CDK19: variants seen among roughly 807,000 people sequenced by gnomAD.
CDK19 encodes cyclin-dependent kinase 19.
In CDK19, 20 loss-of-function variants were observed where a neutral mutation model predicts 68.3. The observed-to-expected ratio is 0.29, with a 90% CI of 0.21 to 0.43. CDK19 has a LOEUF of 0.43. Ranked by LOEUF, CDK19 falls within the 20% of genes least tolerant of loss-of-function variation. The pLI is 1.00. For synonymous variants in CDK19, 221 were observed against 222.8 expected, an observed-to-expected ratio of 0.99 and a Z score of 0.07; for missense variants, 339 against 623.5, an observed-to-expected ratio of 0.54 and a Z score of 4.86.
intron 1 of CDK19, among the ~76,000 whole-genome samples, chr6:110,796,963 T>C (rs1176524789): frequency 1.3e-5 from 2 of 150,528 alleles, no homozygotes; most frequent in South Asian, 2.1e-4. Flanking sequence ...TGAGCCAAGA[T>C]TGTGCCACTG....
intron 1 of CDK19, chr6:110,813,763 C>T (rs1783317720): frequency 6.6e-6 from 1 of 152,184 alleles, no homozygotes; most frequent in South Asian, 2.1e-4. Flanking sequence ...GTACTTTAGT[C>T]CTAGAGTTCA....
intron 2 of CDK19, among the ~76,000 whole-genome samples, chr6:110,733,404 T>G (rs779287271): frequency 6.6e-6 from 1 of 152,192 alleles, no homozygotes; most frequent in Non-Finnish European, 1.5e-5. Context: ...AAAGCTGTTA[T>G]GAACATCCTT....
intron 4 of CDK19, among the ~76,000 whole-genome samples, chr6:110,666,615 A>T (rs1180401378): frequency 6.6e-6 from 1 of 152,010 alleles, no homozygotes; most frequent in Non-Finnish European, 1.5e-5. Context: ...TTTCGTCAAT[A>T]AACACTGCTC....
At position 110,610,057 on chromosome 6, in the gene CDK19, A is replaced by C. The variant is rs181495289; in HGVS notation, c.*4478T>G. On this transcript the variant is annotated 3_prime_UTR_variant, in exon 13 of 13. Transcript: ENST00000368911. Reference sequence around the variant, plus strand: ...TTATTTTAGTTTTAACAGTCATTTCAAGAAGGAAGTCAGGTCAACTCAAAA... The same window carrying C: ...TTATTTTAGTTTTAACAGTCATTTCCAGAAGGAAGTCAGGTCAACTCAAAA... 5 of 152,376 alleles carry C rather than the reference A, an allele frequency of 3.3e-5. No individual in the cohort carries two copies. Among genetic ancestry groups the C allele is most frequent in the Admixed American group, 2.6e-4 (4 of 15,296 alleles). 9.4% of individuals were successfully genotyped at this position (152,376 alleles called of 1,614,324 possible).
chr6:110,795,295 C>A (rs571234272), intron 1 of CDK19, among the ~76,000 whole-genome samples: 48 of 152,184 alleles, frequency 3.2e-4, no homozygotes, highest in African/African-American at 1.1e-3. Context: ...TTTAGTAAGT[C>A]AAAAATAATT....
At position 110,612,400 on chromosome 6, in the gene CDK19, T is replaced by G. The variant is rs1449468208; in HGVS notation, c.*2135A>C. The G allele has an allele frequency of 6.6e-6, 1 of 152,654 alleles. No homozygotes were observed. The highest frequency in any genetic ancestry group is 1.5e-5 in the Non-Finnish European group (1 of 68,036). 9.5% of individuals were successfully genotyped at this position (152,654 alleles called of 1,614,324 possible). The stretch of plus-strand genomic sequence containing the variant: ...CCATAATATTATTTACAGAACAGAT[T>G]TGGGGATAGTAACTACCCAAGTGGG... On this transcript the variant is annotated 3_prime_UTR_variant, in exon 13 of 13. Coordinates refer to ENST00000368911, the MANE Select transcript of CDK19 (RefSeq NM_015076.5).
At chr6:110,704,805 T>C (rs1304552077) in intron 2 of CDK19, among the ~76,000 whole-genome samples, 1 of 152,042 alleles carries the variant, frequency 6.6e-6, no homozygotes, top group African/African-American at 2.4e-5. Context: ...AGGCCAAGGC[T>C]AATTCTGGAA....
At chr6:110,706,079 G>A (rs909817562) in intron 2 of CDK19, among the ~76,000 whole-genome samples, 57 of 152,100 alleles carry the variant, frequency 3.7e-4, no homozygotes, top group African/African-American at 1.4e-3. Flanking sequence ...TTTTGAGACG[G>A]AGTCTTGCTG....
chr6:110,699,668 A>G (rs548497008), intron 2 of CDK19, among the ~76,000 whole-genome samples: 8 of 152,160 alleles, frequency 5.3e-5, no homozygotes, highest in Admixed American at 3.3e-4. Flanking sequence ...AAAATTCACC[A>G]CTATATAATT....
Position 110,757,607 on chromosome 6 carries a change from T to C in CDK19, c.129-11406A>G, listed in dbSNP as rs183505099. Among the ~76,000 whole-genome samples the C allele has an allele frequency of 5.1e-3, 777 of 152,326 alleles. 14 individuals are homozygous for C. The highest frequency in any genetic ancestry group is 0.017 in the African/African-American group (688 of 41,566). ...AACTGTCAAATATAGGATAATGGTA[T>C]GGTAATGCAAGCAAATGTTCTTATT... On this transcript the variant is annotated intron_variant, in intron 1 of 12. Transcript: ENST00000368911.
rs1373271422 is a variant in CDK19, at chr6:110,623,333, A to T, written c.890T>A (p.Met297Lys). ...TYANSSLIKYMEKHKVKPDSK... is the reference protein window; with the variant it reads ...TYANSSLIKYKEKHKVKPDSK... ...GTCAGGCTTGACCTTGTGTTTCTCCATGTACTTTATGAGGCTACTGTTGGC... is the reference window on the plus strand; with the variant it reads ...GTCAGGCTTGACCTTGTGTTTCTCCTTGTACTTTATGAGGCTACTGTTGGC... Residue 297 changes from methionine to lysine, a missense_variant, in exon 9 of 13, where the codon ATG becomes AAG. Transcript: ENST00000368911. The T allele has an allele frequency of 6.2e-7, 1 of 1,613,910 alleles. No homozygotes were observed. The highest frequency in any genetic ancestry group is 8.5e-7 in the Non-Finnish European group (1 of 1,179,914).
chr6:110,667,503 T>A lies in CDK19; in HGVS notation c.387A>T (p.Lys129Asn). ...CATCAAGAATCTGGTAAAGTAAGGA[T>A]TTAACCATAGATCTTGGCAACTGCA... The part of the protein sequence containing the change: ...KPMQLPRSMV[K>N]SLLYQILDGI... Residue 129 changes from lysine to asparagine, a missense_variant, in exon 4 of 13, where the codon AAA becomes AAT. By Grantham distance (94) the Lys-to-Asn change is moderately conservative. This residue lies in a region of CDK19 where 120 missense variants were observed against 224.0 expected (regional missense o/e 0.54). Transcript: ENST00000368911. The A allele has an allele frequency of 1.3e-6, 2 of 1,595,572 alleles. No individual in the cohort carries two copies. The highest frequency in any genetic ancestry group is 1.7e-6 in the Non-Finnish European group (2 of 1,167,480).
intron 4 of CDK19, among the ~76,000 whole-genome samples, chr6:110,652,007 G>C (rs145150650): frequency 1.2e-3 from 182 of 152,134 alleles, no homozygotes; most frequent in Admixed American, 2.2e-3. Flanking sequence ...CCAGGACATG[G>C]AGGTTGCAGT....
chr6:110,632,448 T>C (rs966487516), intron 5 of CDK19, among the ~76,000 whole-genome samples: 2 of 152,250 alleles, frequency 1.3e-5, no homozygotes, highest in South Asian at 2.1e-4. Context: ...AAAGATATTC[T>C]GGGCTGGTGG....
chr6:110,812,445 T>G (rs1256736628), intron 1 of CDK19, among the ~76,000 whole-genome samples: 1 of 152,168 alleles, frequency 6.6e-6, no homozygotes, highest in African/African-American at 2.4e-5. Context: ...TAATTAAAGG[T>G]GAAAAACTCA....
At chr6:110,727,516 G>A (rs951317623) in intron 2 of CDK19, among the ~76,000 whole-genome samples, 1 of 152,138 alleles carries the variant, frequency 6.6e-6, no homozygotes, top group Admixed American at 6.6e-5. Flanking sequence ...AAAGAAGCAT[G>A]TCATATATTG....
chr6:110,739,249 C>G (rs1777471861), intron 2 of CDK19, among the ~76,000 whole-genome samples: 1 of 152,138 alleles, frequency 6.6e-6, no homozygotes. Context: ...ACAGAGCCCT[C>G]ATGAATGGAA....
intron 4 of CDK19, chr6:110,645,752 T>C: frequency 1.9e-6 from 1 of 540,000 alleles, no homozygotes; most frequent in South Asian, 1.7e-5. Flanking sequence ...TCCACGGTAA[T>C]GCATGGACAA....
chr6:110,774,516 A>G (rs1780258542), intron 1 of CDK19, among the ~76,000 whole-genome samples: 1 of 152,220 alleles, frequency 6.6e-6, no homozygotes, highest in Non-Finnish European at 1.5e-5. Flanking sequence ...ATTTCATCAC[A>G]CTACTCAAAA....
Sources: gnomAD v4.1 joint callset for allele counts (sites outside exome capture counted in the v4.1 genomes callset) on GRCh38, gnomAD v4.1.1 for gene constraint, gnomAD v4.1.1 regional missense constraint, MANE v1.5 for transcripts, NCBI Gene and HGNC (gene_info 2026-07-23, HGNC 2026-07-21) for gene names.